The following LUZP2 variants were observed in gnomAD, a reference collection of about 807,000 sequenced individuals.
LUZP2 encodes leucine zipper protein 2.
In LUZP2, 52 loss-of-function variants were observed where a neutral mutation model predicts 51.6. That is an observed-to-expected ratio of 1.01 (90% CI 0.81 to 1.27). LUZP2 has a LOEUF of 1.27. Ranked by LOEUF, LUZP2 falls within the 50% of genes most tolerant of loss-of-function variation. LUZP2 has a pLI of 0.00. For missense variants in LUZP2, 436 were observed against 395.4 expected, an observed-to-expected ratio of 1.10 and a Z score of -0.87; for synonymous variants, 154 against 137.3, an observed-to-expected ratio of 1.12 and a Z score of -0.85.
chr11:24,869,018 G>T (rs956763285), intron 5 of LUZP2, among the ~76,000 whole-genome samples: 14 of 152,098 alleles, frequency 9.2e-5, no homozygotes, highest in African/African-American at 3.1e-4. Context: ...TTGCATCTTT[G>T]CCAGGAGTTT....
chr11:24,857,584 G>C (rs1851609764), intron 5 of LUZP2, among the ~76,000 whole-genome samples: 1 of 149,436 alleles, frequency 6.7e-6, no homozygotes, highest in Admixed American at 6.7e-5. Context: ...TTATCTTTAG[G>C]ATTGCTGTGA....
chr11:24,741,976 TTATATATTATATATAAATG>T (rs1442570812), intron 4 of LUZP2, among the ~76,000 whole-genome samples: 4 of 75,354 alleles, frequency 5.3e-5, no homozygotes, highest in Admixed American at 4.1e-4. Context: ...ATATATACAT[TTATATATTATATATAAATG>T]TATATATTAT....
intron 5 of LUZP2, among the ~76,000 whole-genome samples, chr11:24,789,245 A>G (rs1390839374): frequency 6.6e-6 from 1 of 152,166 alleles, no homozygotes; most frequent in Non-Finnish European, 1.5e-5. Flanking sequence ...GAGGGCTGGT[A>G]GTGAGGTCAA....
chr11:24,885,372 A>G (rs1006853429), intron 5 of LUZP2, among the ~76,000 whole-genome samples: 13 of 152,072 alleles, frequency 8.5e-5, no homozygotes, highest in African/African-American at 2.9e-4. Context: ...ATTTAATACA[A>G]CCACCCGTTG....
intron 6 of LUZP2, among the ~76,000 whole-genome samples, chr11:24,909,796 G>C (rs1306364312): frequency 6.6e-6 from 1 of 152,140 alleles, no homozygotes; most frequent in African/African-American, 2.4e-5. Context: ...TGTGAGATCA[G>C]ACTAATACAG....
At chr11:24,986,646 G>A (rs1856197366) in intron 9 of LUZP2, among the ~76,000 whole-genome samples, 1 of 151,138 alleles carries the variant, frequency 6.6e-6, no homozygotes. Flanking sequence ...CTGCTATGTG[G>A]TAGAGCTAGA....
chr11:24,731,965 A>G (rs1388689628), intron 2 of LUZP2, among the ~76,000 whole-genome samples, 153 bp from the exon 3 acceptor site: 1 of 151,734 alleles, frequency 6.6e-6, no homozygotes, highest in Non-Finnish European at 1.5e-5. Flanking sequence ...ATTTCTGTTT[A>G]CATCCTTGGA....
intron 9 of LUZP2, among the ~76,000 whole-genome samples, chr11:25,008,738 C>T (rs1856904020): frequency 6.6e-6 from 1 of 152,030 alleles, no homozygotes; most frequent in African/African-American, 2.4e-5. Context: ...GAGAAAAGCT[C>T]GCCACCATGA....
At chr11:24,528,692 A>G (rs547905783) in intron 1 of LUZP2, among the ~76,000 whole-genome samples, 1 of 151,250 alleles carries the variant, frequency 6.6e-6, no homozygotes, top group South Asian at 2.1e-4. Context: ...GCCATAACAA[A>G]GCAACCTGGA....
intron 9 of LUZP2, among the ~76,000 whole-genome samples, chr11:25,011,309 T>C (rs79967273): frequency 0.044 from 6,733 of 152,294 alleles, 348 homozygotes; most frequent in African/African-American, 0.12. Flanking sequence ...AAACTTATTC[T>C]ATCATGTTGA....
chr11:24,596,289 CATAGAT>C (rs1313793544), intron 1 of LUZP2, among the ~76,000 whole-genome samples: 3 of 152,214 alleles, frequency 2.0e-5, no homozygotes, highest in African/African-American at 4.8e-5. Context: ...TACAAATACT[CATAGAT>C]AAGAAAGAAT....
chr11:24,712,190 G>A (rs913909983), intron 1 of LUZP2, among the ~76,000 whole-genome samples: 1 of 152,130 alleles, frequency 6.6e-6, no homozygotes, highest in African/African-American at 2.4e-5. Context: ...GGAGATTGAG[G>A]CAGGGAGATC....
chr11:24,691,706 G>A (rs1857071700), intron 1 of LUZP2, among the ~76,000 whole-genome samples: 1 of 152,044 alleles, frequency 6.6e-6, no homozygotes, highest in Non-Finnish European at 1.5e-5. Context: ...TGGACTGGTG[G>A]AAGGAGACTT....
chr11:24,744,085 A>G (rs971796382), intron 4 of LUZP2, among the ~76,000 whole-genome samples: 1 of 152,046 alleles, frequency 6.6e-6, no homozygotes, highest in Non-Finnish European at 1.5e-5. Flanking sequence ...ATGGTAGATT[A>G]TCTTTTTGAT....
intron 1 of LUZP2, among the ~76,000 whole-genome samples, chr11:24,696,027 C>G (rs1036891933): frequency 1.3e-5 from 2 of 151,990 alleles, no homozygotes; most frequent in African/African-American, 4.8e-5. Context: ...GAAACAGAAA[C>G]TTCTAGAACT....
chr11:24,810,221 A>G (rs1042524997), intron 5 of LUZP2, among the ~76,000 whole-genome samples: 10 of 152,218 alleles, frequency 6.6e-5, no homozygotes, highest in Non-Finnish European at 1.3e-4. Context: ...ACACACATAT[A>G]CATATATATG....
chr11:24,645,289 GAGAA>G (rs1219282919), intron 1 of LUZP2, among the ~76,000 whole-genome samples: 1 of 152,136 alleles, frequency 6.6e-6, no homozygotes, highest in African/African-American at 2.4e-5. Context: ...GAAAGAGGGA[GAGAA>G]AGAGAGTTTT....
chr11:24,523,723 T>G (rs1850715649), intron 1 of LUZP2, among the ~76,000 whole-genome samples: 1 of 151,646 alleles, frequency 6.6e-6, no homozygotes, highest in Admixed American at 6.6e-5. Context: ...TCTCTCTGGA[T>G]AGGTAAAGAC....
chr11:24,918,875 T>A (rs902781649), intron 7 of LUZP2, among the ~76,000 whole-genome samples: 1 of 143,998 alleles, frequency 6.9e-6, no homozygotes, highest in Non-Finnish European at 1.5e-5. Context: ...TATATATCCA[T>A]AATATATATT....
Sources: gnomAD v4.1 joint callset for allele counts (sites outside exome capture counted in the v4.1 genomes callset) on GRCh38, gnomAD v4.1.1 for gene constraint, MANE v1.5 for transcripts, NCBI Gene and HGNC (gene_info 2026-07-23, HGNC 2026-07-21) for gene names.